DNMT1: variants seen among roughly 807,000 people sequenced by gnomAD.
DNMT1 encodes the protein DNA methyltransferase 1.
A neutral mutation model predicts 205.3 loss-of-function variants in DNMT1; 24 were observed. The ratio of observed to expected loss-of-function variants is 0.12; its 90% CI spans 0.08 to 0.16. The LOEUF is 0.16. DNMT1 is among the 10% of genes least tolerant of loss of function. DNMT1 has a pLI of 1.00. For synonymous variants in DNMT1, 817 were observed against 839.8 expected, an observed-to-expected ratio of 0.97 and a Z score of 0.47; for missense variants, 1,293 against 2,177.7, an observed-to-expected ratio of 0.59 and a Z score of 8.09.
intron 39 of DNMT1, 56 bp from the exon 40 acceptor site, chr19:10,134,363 G>A (rs2089435858): frequency 1.9e-6 from 3 of 1,552,734 alleles, no homozygotes; most frequent in Non-Finnish European, 2.7e-6. Flanking sequence ...CAAGGCCCGG[G>A]GGCAGGTGTA....
intron 1 of DNMT1, among the ~76,000 whole-genome samples, chr19:10,194,226 A>G (rs2039357789): frequency 6.6e-6 from 1 of 152,330 alleles, no homozygotes; most frequent in Admixed American, 6.5e-5. Flanking sequence ...CACAGTCCCA[A>G]CTGACAGAAT....
At chr19:10,188,539 CAA>C (rs2039238734) in intron 1 of DNMT1, among the ~76,000 whole-genome samples, 1 of 152,128 alleles carries the variant, frequency 6.6e-6, no homozygotes, top group African/African-American at 2.4e-5. Flanking sequence ...GACTCCATCT[CAA>C]AAAGAGTGGA....
intron 1 of DNMT1, among the ~76,000 whole-genome samples, chr19:10,189,120 GATTTTT>G (rs2039251616): frequency 9.0e-6 from 1 of 110,570 alleles, no homozygotes; most frequent in Non-Finnish European, 1.7e-5. Flanking sequence ...AGACTCAGAT[GATTTTT>G]TTTTTTTTTT....
chr19:10,180,861 G>C lies in DNMT1; in HGVS notation c.142C>G (p.Leu48Val). Residue 48 changes from leucine to valine, a missense_variant, in exon 3 of 41, where the codon CTC becomes GTC. Physicochemically the swap from Leu to Val is conservative, Grantham distance 32. This residue lies in a region of DNMT1 where 394 missense variants were observed against 451.6 expected (regional missense o/e 0.87). Transcript: ENST00000359526. ...TCTGTTTGCAGAAATTCGTGCAAGA[G>C]ATTCAATTTCTCCTTCACACATTCC... is the stretch of plus-strand genomic sequence containing the variant. ...EKECVKEKLN[L>V]LHEFLQTEIK... The C allele has an allele frequency of 6.2e-7, 1 of 1,614,132 alleles. No individual in the cohort carries two copies. The highest frequency in any genetic ancestry group is 8.5e-7 in the Non-Finnish European group (1 of 1,180,014).
chr19:10,188,966 GAA>G (rs1289002663), intron 1 of DNMT1, among the ~76,000 whole-genome samples: 1 of 152,274 alleles, frequency 6.6e-6, no homozygotes, highest in Non-Finnish European at 1.5e-5. Context: ...CCCCAGAAAG[GAA>G]TGCAGCCTGC....
Position 10,161,911 on chromosome 19 carries a change from G to A in DNMT1, c.1008+756C>T, listed in dbSNP as rs528950843. 8.6e-5 allele frequency among the ~76,000 whole-genome samples: 13 copies of A among 151,598 alleles called. No individual in the cohort carries two copies. The East Asian group carries it at 1.2e-3, about 14-fold the overall frequency. ...GCCTGGAGTGCAATGGTGTGATCTC[G>A]GCTCACTGCAACCTCTACCTCCTGG... On this transcript the variant is annotated intron_variant, in intron 13 of 40. Coordinates refer to ENST00000359526, the MANE Select transcript of DNMT1 (RefSeq NM_001130823.3).
At chr19:10,162,854 A>G (rs892314599) in intron 12 of DNMT1, 106 bp from the exon 13 acceptor site, 1 of 1,264,334 alleles carries the variant, frequency 7.9e-7, no homozygotes, top group Non-Finnish European at 1.1e-6. Flanking sequence ...GGAAAGCAAG[A>G]TACCCATGGG....
At chr19:10,167,431 A>G (rs879449783) in intron 10 of DNMT1, among the ~76,000 whole-genome samples, 2 of 152,172 alleles carry the variant, frequency 1.3e-5, no homozygotes, top group Admixed American at 1.3e-4. Flanking sequence ...TCCTGACCTC[A>G]AGTGATCCAC....
Position 10,156,289 on chromosome 19 carries a change from C to A in DNMT1, c.1399+102G>T. On this transcript the variant is annotated intron_variant, in intron 18 of 40. Coordinates refer to ENST00000359526, the MANE Select transcript of DNMT1 (RefSeq NM_001130823.3). This position sits in a 1 kb window ranked among gnomAD's most constrained non-coding sequence, Gnocchi z 4.2. ...CTCAAACTCCCGGGCTCAAGTGATCCTCTGGCCTCAGACCCCCAAAGTGCT... is the reference window on the plus strand; with the variant it reads ...CTCAAACTCCCGGGCTCAAGTGATCATCTGGCCTCAGACCCCCAAAGTGCT... The A allele has an allele frequency of 2.1e-6, 2 of 936,488 alleles. No homozygotes were observed. Among genetic ancestry groups the A allele is most frequent in the Non-Finnish European group, 3.5e-6 (2 of 575,700 alleles). The allele number at this position is 936,488 out of a possible 1,614,324, so 58.0% of individuals were successfully genotyped here.
At chr19:10,166,977 G>A (rs1004765695) in intron 10 of DNMT1, among the ~76,000 whole-genome samples, 25 of 152,184 alleles carry the variant, frequency 1.6e-4, no homozygotes, top group African/African-American at 5.1e-4. Flanking sequence ...TCCAGCCTGC[G>A]GTGGAGGAAG....
chr19:10,183,115 A>G (rs2039111540), intron 1 of DNMT1, among the ~76,000 whole-genome samples: 1 of 127,540 alleles, frequency 7.8e-6, no homozygotes, highest in Non-Finnish European at 1.6e-5. Flanking sequence ...ACGTGTGTAT[A>G]TATATATATA....
At chr19:10,163,234 T>G in intron 12 of DNMT1, 92 bp downstream of exon 12, 1 of 1,438,774 alleles carries the variant, frequency 7.0e-7, no homozygotes, top group Non-Finnish European at 9.8e-7. Context: ...CCCAAAGTGC[T>G]GGGATTACAG....
At position 10,140,593 on chromosome 19, in the gene DNMT1, C is replaced by T; in HGVS notation, c.3523+188G>A. The T allele has an allele frequency of 9.4e-7, 1 of 1,066,918 alleles. No homozygotes were observed. Among genetic ancestry groups the T allele is most frequent in the Non-Finnish European group, 1.4e-6 (1 of 724,184 alleles). 66.1% of individuals were successfully genotyped at this position (1,066,918 alleles called of 1,614,324 possible). ...CCATGTTGGCCAGGATGGTCTCAAA[C>T]TCCTGACCTCATGATCCACCCACCT... On this transcript the variant is annotated intron_variant, in intron 32 of 40. Transcript: ENST00000359526. The surrounding 1 kb of genome is among the most constrained non-coding windows in gnomAD (Gnocchi z 8.4).
At chr19:10,194,740 G>T (rs2039371420) in intron 1 of DNMT1, 80 bp downstream of exon 1, 7 of 1,494,730 alleles carry the variant, frequency 4.7e-6, no homozygotes, top group South Asian at 1.3e-5. Flanking sequence ...AGCGGCCACC[G>T]GCCACCCCGA....
chr19:10,140,559 G>A lies in DNMT1; in HGVS notation c.3523+222C>T, dbSNP rs564199262. 1.1e-5 allele frequency: 10 copies of A among 909,704 alleles called. No homozygotes were observed. The highest frequency in any genetic ancestry group is 2.3e-5 in the Admixed American group (1 of 42,598). The allele number at this position is 909,704 out of a possible 1,614,324, so 56.4% of individuals were successfully genotyped here. ...TAATTTTTGTATTCTTATTAGAGAC[G>A]GGGTTTCACCATGTTGGCCAGGATG... On this transcript the variant is annotated intron_variant, in intron 32 of 40. Coordinates refer to ENST00000359526, the MANE Select transcript of DNMT1 (RefSeq NM_001130823.3). The surrounding 1 kb of genome is among the most constrained non-coding windows in gnomAD (Gnocchi z 8.4).
intron 33 of DNMT1, 94 bp downstream of exon 33, chr19:10,139,952 G>A (rs1250404961): frequency 7.5e-6 from 12 of 1,595,506 alleles, no homozygotes; most frequent in Non-Finnish European, 9.3e-6. Flanking sequence ...CTTCCGGGGG[G>A]CAGAGGCCTC....
At chr19:10,184,517 GAAC>G (rs2145393508) in intron 1 of DNMT1, 1 of 152,258 alleles carries the variant, frequency 6.6e-6, no homozygotes, top group African/African-American at 2.4e-5. Context: ...AAAAATAAAA[GAAC>G]AATAGCCGGT....
intron 13 of DNMT1, among the ~76,000 whole-genome samples, chr19:10,160,756 G>A (rs549933728): frequency 5.9e-5 from 9 of 152,246 alleles, no homozygotes; most frequent in Admixed American, 3.3e-4. Flanking sequence ...TTAGCCAGGC[G>A]GGCACTTGTA....
Position 10,133,368 on chromosome 19 carries a change from T to G in DNMT1, c.*299A>C. Reference sequence around the variant, plus strand: ...GGGTGGTTTATAGGAGAGATTTATTTGAAGAAATATTACAACATATAAAAA... The same window carrying G: ...GGGTGGTTTATAGGAGAGATTTATTGGAAGAAATATTACAACATATAAAAA... On this transcript the variant is annotated 3_prime_UTR_variant, in exon 41 of 41. Coordinates refer to ENST00000359526, the MANE Select transcript of DNMT1 (RefSeq NM_001130823.3). The surrounding 1 kb of genome is among the most constrained non-coding windows in gnomAD (Gnocchi z 4.1). 1 of 475,772 alleles carries G rather than the reference T, an allele frequency of 2.1e-6. No homozygotes were observed. The highest frequency in any genetic ancestry group is 2.6e-5 in the South Asian group (1 of 38,216). 29.5% of individuals were successfully genotyped at this position (475,772 alleles called of 1,614,324 possible). A position where few individuals can be genotyped will look rare whatever the true frequency, so the allele number is the denominator to read the frequency against.
Sources: gnomAD v4.1 joint callset for allele counts (sites outside exome capture counted in the v4.1 genomes callset) on GRCh38, gnomAD v4.1.1 for gene constraint, gnomAD v4.1.1 regional missense constraint, Gnocchi (gnomAD v3.1) non-coding constraint, MANE v1.5 for transcripts, NCBI Gene and HGNC (gene_info 2026-07-23, HGNC 2026-07-21) for gene names.